The following FGF14 variants were observed in gnomAD, a reference collection of about 807,000 sequenced individuals.
FGF14 encodes the protein fibroblast growth factor homologous factor 4.
FGF14 carries 5 observed loss-of-function variants against 25.5 expected under a neutral mutation model. The observed-to-expected ratio is 0.20, with a 90% CI of 0.10 to 0.41. The LOEUF (loss-of-function observed/expected upper bound fraction) is 0.41. Among genes scored for constraint, FGF14 ranks in the 10% least tolerant of loss-of-function variants. The pLI is 1.00. For missense variants in FGF14, 222 were observed against 320.1 expected (o/e 0.69, Z 2.34); for synonymous variants, 138 against 118.3 (o/e 1.17, Z -1.08).
intron 1 of FGF14, among the ~76,000 whole-genome samples, chr13:102,212,049 G>A (rs2050183053): frequency 6.6e-6 from 1 of 152,168 alleles, no homozygotes; most frequent in African/African-American, 2.4e-5. Context: ...TTCGTTTCCA[G>A]GTTTTCTCTC....
intron 3 of FGF14, among the ~76,000 whole-genome samples, chr13:101,832,764 G>A (rs528866346): frequency 8.5e-5 from 13 of 152,148 alleles, no homozygotes; most frequent in Admixed American, 3.3e-4. Context: ...TTTAAATGAA[G>A]AGTAATGAGA....
chr13:101,992,596 G>A (rs1472632812), intron 1 of FGF14, among the ~76,000 whole-genome samples: 3 of 152,068 alleles, frequency 2.0e-5, no homozygotes, highest in Non-Finnish European at 4.4e-5. Context: ...CAAGATGTAA[G>A]AGAAGATGGG....
chr13:102,350,610 T>G (rs2057248738), intron 1 of FGF14, among the ~76,000 whole-genome samples: 1 of 152,166 alleles, frequency 6.6e-6, no homozygotes, highest in African/African-American at 2.4e-5. Context: ...AAAGTCCTCT[T>G]TGTACTTGGC....
chr13:101,887,633 A>G (rs2046064582), intron 1 of FGF14, among the ~76,000 whole-genome samples: 1 of 152,106 alleles, frequency 6.6e-6, no homozygotes, highest in African/African-American at 2.4e-5. Context: ...GCACAAAAAT[A>G]CAGTTAAATA....
rs1018207682 is a variant in FGF14, at chr13:101,722,713, A to T, written c.*118T>A. 5.7e-6 allele frequency: 8 copies of T among 1,398,046 alleles called. No homozygotes were observed. In the South Asian group the frequency reaches 8.4e-5, roughly 15 times the overall value. The allele number at this position is 1,398,046 out of a possible 1,614,324, so 86.6% of individuals were successfully genotyped here. A position where few individuals can be genotyped will look rare whatever the true frequency, so the allele number is the denominator to read the frequency against. On this transcript the variant is annotated 3_prime_UTR_variant, in exon 5 of 5. Coordinates refer to ENST00000376143, the MANE Select transcript of FGF14 (RefSeq NM_004115.4). ...CAACAGAGAAGTTCGGAGACAGCAA[A>T]GAATAAGCATTAGCTTACTTCCTGC...
chr13:102,347,918 T>C (rs1309587796), intron 1 of FGF14, among the ~76,000 whole-genome samples: 1 of 151,998 alleles, frequency 6.6e-6, no homozygotes, highest in African/African-American at 2.4e-5. Flanking sequence ...AATCTCTATT[T>C]ATAACAAAAA....
At chr13:102,019,815 G>A (rs954298091) in intron 1 of FGF14, among the ~76,000 whole-genome samples, 4 of 152,128 alleles carry the variant, frequency 2.6e-5, no homozygotes, top group African/African-American at 7.2e-5. Context: ...AGGCAGAATT[G>A]TCCTTCTGTT....
intron 1 of FGF14, among the ~76,000 whole-genome samples, chr13:102,326,254 A>G (rs9518703): frequency 0.26 from 40,132 of 152,164 alleles, 5,767 homozygotes; most frequent in Admixed American, 0.38. Context: ...CAGCCAAAAT[A>G]CTGTATTGAA....
intron 1 of FGF14, among the ~76,000 whole-genome samples, chr13:101,940,577 C>T (rs2035384083): frequency 6.6e-6 from 1 of 152,186 alleles, no homozygotes; most frequent in Admixed American, 6.5e-5. Flanking sequence ...CAGGTTTCTA[C>T]TCCATATCAC....
At chr13:101,829,065 C>T (rs1366781582) in intron 3 of FGF14, among the ~76,000 whole-genome samples, 2 of 152,004 alleles carry the variant, frequency 1.3e-5, no homozygotes, top group African/African-American at 4.8e-5. Flanking sequence ...GCTATTTATC[C>T]CTGGGCTGGG....
chr13:102,064,401 G>A (rs188792351), intron 1 of FGF14, among the ~76,000 whole-genome samples: 32 of 152,152 alleles, frequency 2.1e-4, no homozygotes, highest in African/African-American at 5.3e-4. Flanking sequence ...GATGACCAAC[G>A]TAATTGAAAA....
At chr13:101,967,820 GACACATTAA>G (rs1243501259) in intron 1 of FGF14, 1 of 153,798 alleles carries the variant, frequency 6.5e-6, no homozygotes, top group African/African-American at 2.4e-5. Flanking sequence ...GCATGGCTTA[GACACATTAA>G]ACACCCAATA....
chr13:102,316,955 T>C (rs1426024576), intron 1 of FGF14, among the ~76,000 whole-genome samples: 1 of 151,478 alleles, frequency 6.6e-6, no homozygotes, highest in Admixed American at 6.6e-5. Flanking sequence ...ATTCACCTCA[T>C]GATACTCATG....
intron 1 of FGF14, among the ~76,000 whole-genome samples, chr13:102,393,309 T>C (rs756441803): frequency 1.3e-5 from 2 of 152,218 alleles, no homozygotes; most frequent in Non-Finnish European, 2.9e-5. Flanking sequence ...CCCCTGTATC[T>C]CCAGCATCAA....
intron 1 of FGF14, among the ~76,000 whole-genome samples, chr13:102,383,256 T>C (rs972161241): frequency 4.6e-5 from 7 of 152,142 alleles, no homozygotes; most frequent in Admixed American, 1.3e-4. Context: ...GTTATATCAA[T>C]TATTTTAGAT....
chr13:101,880,165 T>C (rs2045623042), intron 1 of FGF14, among the ~76,000 whole-genome samples: 1 of 152,180 alleles, frequency 6.6e-6, no homozygotes, highest in African/African-American at 2.4e-5. Context: ...CAATGTACTA[T>C]TATGTGTGTT....
chr13:102,318,798 C>T (rs1305453280), intron 1 of FGF14, among the ~76,000 whole-genome samples: 1 of 152,092 alleles, frequency 6.6e-6, no homozygotes, highest in East Asian at 1.9e-4. Flanking sequence ...TTGAGGGGGG[C>T]ACGTTTCAAC....
At chr13:101,981,796 T>C (rs1318594000) in intron 1 of FGF14, among the ~76,000 whole-genome samples, 1 of 152,176 alleles carries the variant, frequency 6.6e-6, no homozygotes, top group Non-Finnish European at 1.5e-5. Context: ...AAAAACACTC[T>C]TCAGACTCCT....
At chr13:102,376,666 T>C (rs986451601) in intron 1 of FGF14, among the ~76,000 whole-genome samples, 11 of 152,214 alleles carry the variant, frequency 7.2e-5, no homozygotes, top group Admixed American at 6.5e-5. Context: ...TTCTGTAACA[T>C]TCTAAATAAT....
Sources: allele counts gnomAD v4.1 joint callset (sites outside exome capture counted in the v4.1 genomes callset), GRCh38; gene constraint gnomAD v4.1.1; transcripts MANE v1.5; gene names NCBI Gene and HGNC (gene_info 2026-07-23, HGNC 2026-07-21).